CCDC22: variants seen among roughly 807,000 people sequenced by gnomAD.
The protein encoded by CCDC22 is coiled-coil domain-containing protein 22.
CCDC22 carries 4 observed loss-of-function variants against 53.1 expected under a neutral mutation model. The ratio of observed to expected loss-of-function variants is 0.08; its 90% confidence interval spans 0.04 to 0.17. The LOEUF is 0.17. Ranked by LOEUF, CCDC22 falls within the 10% of genes least tolerant of loss-of-function variation. The pLI, the probability that CCDC22 is intolerant of heterozygous loss-of-function variation, is 1.00. For missense variants in CCDC22, 458 were observed against 554.0 expected (o/e 0.83, Z 1.74); for synonymous variants, 222 against 224.4 (o/e 0.99, Z 0.10).
chrX:49,249,026 C>G, intron 13 of CCDC22, 102 bp downstream of exon 13: 1 of 1,137,410 alleles, frequency 8.8e-7, no homozygotes, highest in Non-Finnish European at 1.2e-6. Flanking sequence ...CAGTCACACT[C>G]TAACACAGAA....
rs1199704409 is a variant in CCDC22 at position 49,246,891 on chromosome X, G to A, written c.875G>A (p.Arg292His). The A allele has an allele frequency of 4.2e-6, 5 of 1,197,451 alleles. No homozygotes were observed. The African/African-American group carries it at 5.2e-5, about 13-fold the overall frequency. Residue 292 changes from arginine to histidine, a missense_variant, in exon 7 of 17, where the codon CGC becomes CAC. By Grantham distance (29) the Arg-to-His change is conservative (BLOSUM62 0). Transcript: ENST00000376227. ...GAKTGAPKGS[R>H]FTHSEKFTFH... is the part of the protein sequence containing the mutation. ...AAGACTGGTGCTCCTAAGGGCTCCC[G>A]CTTCACGCACTCAGAGAAGTTCACC...
Position 49,235,617 on chromosome X carries a change from G to C in CCDC22, c.-20G>C. 1 of 1,171,118 alleles carries C rather than the reference G, an allele frequency of 8.5e-7. No homozygotes were observed. Among genetic ancestry groups the C allele is most frequent in the South Asian group, 1.9e-5 (1 of 52,870 alleles). On this transcript the variant is annotated 5_prime_UTR_variant, in exon 1 of 17. Coordinates refer to ENST00000376227, the MANE Select transcript of CCDC22 (RefSeq NM_014008.5). ...GGACCCGGTCCTGGACCCAGCCCCC[G>C]ACTCCGACACGGCTCCACCATGGAG...
intron 2 of CCDC22, among the ~76,000 whole-genome samples, chrX:49,241,482 G>A (rs1408177831): frequency 2.1e-5 from 1 of 47,675 alleles, no homozygotes; most frequent in African/African-American, 7.3e-5. Context: ...GCGAGACCCT[G>A]TCTCAAAAAA....
chrX:49,242,858 T>G (rs1263825643), intron 3 of CCDC22, 28 bp from the exon 4 acceptor site: 1 of 978,548 alleles, frequency 1.0e-6, no homozygotes, highest in Non-Finnish European at 1.4e-6. Context: ...CATTGACATC[T>G]GATTCACTTC....
chrX:49,238,358 C>T (rs782245375), intron 2 of CCDC22, among the ~76,000 whole-genome samples: 13 of 111,077 alleles, frequency 1.2e-4, no homozygotes, highest in Admixed American at 4.8e-4. Context: ...AGATTACAGG[C>T]GTGAGCCACT....
chrX:49,238,708 ATGCCACCC>A (rs2065950329), intron 2 of CCDC22, among the ~76,000 whole-genome samples: 1 of 111,613 alleles, frequency 9.0e-6, no homozygotes, highest in Admixed American at 9.4e-5. Flanking sequence ...CTATAGGCAC[ATGCCACCC>A]TGCCCGAGAA....
chrX:49,238,993 G>A lies in CCDC22; in HGVS notation c.228+1730G>A, dbSNP rs781798667. On this transcript the variant is annotated intron_variant, in intron 2 of 16. Coordinates refer to ENST00000376227, the MANE Select transcript of CCDC22 (RefSeq NM_014008.5). ...TGGCTCACTCACTCTGTGACTTTGG[G>A]CCAGTCTTTTTTTTTTTTGAAGCCC... Among the ~76,000 whole-genome samples, 12 of 111,236 alleles carry A rather than the reference G, an allele frequency of 1.1e-4. No individual in the cohort carries two copies. In the South Asian group the frequency reaches 4.5e-3, roughly 42 times the overall value.
chrX:49,239,990 A>G (rs1255113754), intron 2 of CCDC22, among the ~76,000 whole-genome samples: 2 of 109,363 alleles, frequency 1.8e-5, no homozygotes, highest in Non-Finnish European at 3.8e-5. Context: ...TGGCTCTTGC[A>G]TGTAATCCCA....
Position 49,249,733 on chromosome X carries a change from C to G in CCDC22, c.1770+8C>G, listed in dbSNP as rs1351506519. ...CGAGACCTCGAGGAGCAGGTGAGGC[C>G]TGGGGGCAGGATGGGGAGCCAAGGC... On this transcript the variant is annotated splice_region_variant and intron_variant, in intron 16 of 16. Transcript: ENST00000376227. 1.7e-6 allele frequency: 2 copies of G among 1,196,124 alleles called. No individual in the cohort carries two copies. The highest frequency in any genetic ancestry group is 1.1e-6 in the Non-Finnish European group (1 of 883,110).
At chrX:49,248,551 C>G in intron 11 of CCDC22, 28 bp downstream of exon 11, 1 of 1,195,210 alleles carries the variant, frequency 8.4e-7, no homozygotes, top group Non-Finnish European at 1.1e-6. Flanking sequence ...GGGCTGTGGG[C>G]GGGCCAGGGC....
intron 13 of CCDC22, 89 bp downstream of exon 13, chrX:49,249,013 G>T (rs1255942852): frequency 1.7e-6 from 2 of 1,147,947 alleles, no homozygotes; most frequent in African/African-American, 1.8e-5. Flanking sequence ...AGGCAGAGCT[G>T]TCCAGTCACA....
In CCDC22 at chrX:49,248,496, C is replaced by T. The variant is rs782055781; in HGVS notation, c.1302C>T (p.His434=). 4.1e-6 allele frequency: 5 copies of T among 1,209,915 alleles called. No individual in the cohort carries two copies. Among genetic ancestry groups the T allele is most frequent in the African/African-American group, 1.7e-5 (1 of 57,731 alleles). ...TCCCACTCCTCGCTGAGTACCGCCA[C>T]CTCCGAAAGCTGCAGGATTGCAGAG... ...HRVPLLAEYR[H]LRKLQDCREL... The change falls in exon 11 of 17, where the codon CAC becomes CAT. Residue 434 remains histidine (H), a synonymous_variant. Transcript: ENST00000376227.
chrX:49,248,123 C>T, intron 9 of CCDC22, 68 bp from the exon 10 acceptor site: 2 of 1,195,466 alleles, frequency 1.7e-6, no homozygotes, highest in Non-Finnish European at 2.2e-6. Flanking sequence ...GTGGGGGCCA[C>T]AGGGGTGTAC....
In CCDC22 at chrX:49,249,738, G is replaced by A. The variant is rs781914111; in HGVS notation, c.1770+13G>A. 8.4e-7 allele frequency: 1 copy of A among 1,184,767 alleles called. No individual in the cohort carries two copies. Among genetic ancestry groups the A allele is most frequent in the Non-Finnish European group, 1.1e-6 (1 of 872,735 alleles). The stretch of plus-strand genomic sequence containing the variant: ...CCTCGAGGAGCAGGTGAGGCCTGGG[G>A]GCAGGATGGGGAGCCAAGGCGGGCC... On this transcript the variant is annotated intron_variant, in intron 16 of 16. Coordinates refer to ENST00000376227, the MANE Select transcript of CCDC22 (RefSeq NM_014008.5).
At chrX:49,240,636 T>C (rs1006663458) in intron 2 of CCDC22, among the ~76,000 whole-genome samples, 1 of 111,925 alleles carries the variant, frequency 8.9e-6, no homozygotes, top group Non-Finnish European at 1.9e-5. Flanking sequence ...AGGAGTTCTC[T>C]TAATCCAGCT....
chrX:49,249,896 C>T (rs1363133774), intron 16 of CCDC22, among the ~76,000 whole-genome samples, 171 bp downstream of exon 16: 1 of 113,075 alleles, frequency 8.8e-6, no homozygotes, highest in Non-Finnish European at 1.9e-5. Context: ...CCCCAGCTTC[C>T]ACCCCAAGGG....
intron 3 of CCDC22, among the ~76,000 whole-genome samples, chrX:49,242,562 C>T (rs1326610761): frequency 4.5e-5 from 5 of 111,550 alleles, no homozygotes; most frequent in African/African-American, 1.3e-4. Flanking sequence ...ACCTCCTCTC[C>T]GCAGCCCTCT....
chrX:49,248,707 C>T lies in CCDC22; in HGVS notation c.1404C>T (p.Arg468=), dbSNP rs1557114812. 1 of 1,210,368 alleles carries T rather than the reference C, an allele frequency of 8.3e-7. No homozygotes were observed. Among genetic ancestry groups the T allele is most frequent in the Non-Finnish European group, 1.1e-6 (1 of 895,034 alleles). ...QSVRAAAEEA[R]RKEEVYKQLM... ...TCCGGGCGGCTGCTGAAGAGGCCCG[C>T]AGGAAGGAGGAGGTCTATAAGCAGC... is the stretch of plus-strand genomic sequence containing the variant. Residue 468 remains arginine, a synonymous_variant, in exon 12 of 17, where the codon CGC becomes CGT. Transcript: ENST00000376227.
chrX:49,245,651 G>A (rs1439599811), intron 6 of CCDC22, among the ~76,000 whole-genome samples: 2 of 112,428 alleles, frequency 1.8e-5, no homozygotes, highest in African/African-American at 3.2e-5. Context: ...GATTACAGGC[G>A]TGAGCCACCA....
Sources: allele counts gnomAD v4.1 joint callset (sites outside exome capture counted in the v4.1 genomes callset), GRCh38; gene constraint gnomAD v4.1.1; transcripts MANE v1.5; gene names NCBI Gene and HGNC (gene_info 2026-07-23, HGNC 2026-07-21).